The following ABCA13 variants were observed in gnomAD, a reference collection of about 807,000 sequenced individuals.
The protein encoded by ABCA13 is ATP-binding cassette sub-family A member 13.
Under a neutral mutation model 478.7 loss-of-function variants are expected in ABCA13, and 476 were observed. The ratio of observed to expected loss-of-function variants is 0.99; its 90% CI spans 0.92 to 1.07. The LOEUF (loss-of-function observed/expected upper bound fraction) is 1.07. Ranked by LOEUF, ABCA13 falls within the 50% of genes least tolerant of loss-of-function variation. The pLI, the probability that ABCA13 is intolerant of heterozygous loss-of-function variation, is 0.00. For synonymous variants in ABCA13, 2,252 were observed against 2,158.9 expected (o/e 1.04, Z -1.20); for missense variants, 6,060 against 5,910.6 (o/e 1.03, Z -0.83).
In ABCA13 at chr7:48,279,773, A is replaced by G; in HGVS notation, c.8579A>G (p.Asn2860Ser). 6.2e-7 allele frequency: 1 copy of G among 1,608,608 alleles called. No individual in the cohort carries two copies. Among genetic ancestry groups the G allele is most frequent in the Non-Finnish European group, 8.5e-7 (1 of 1,178,588 alleles). Residue 2860 changes from asparagine to serine, a missense_variant, in exon 18 of 62, where the codon AAT (asparagine) becomes AGT (serine). Around this residue, in one of 3 missense-constraint regions of ABCA13, gnomAD observed 4,423 missense variants for 4,309.1 expected, o/e 1.03. Coordinates refer to ENST00000435803, the MANE Select transcript of ABCA13 (RefSeq NM_152701.5). Reference protein sequence around the residue: ...EIFIKATTGKNVTSEKEERTK... With the variant: ...EIFIKATTGKSVTSEKEERTK... ...TTCATTAAAGCAACCACCGGAAAGA[A>G]TGTCACATCAGAAAAAGAAGAGAGA...
chr7:48,593,107 T>G (rs1789919054), intron 57 of ABCA13, among the ~76,000 whole-genome samples: 1 of 152,068 alleles, frequency 6.6e-6, no homozygotes. Flanking sequence ...CTTGACATTT[T>G]GTTAATTGTT....
intron 48 of ABCA13, among the ~76,000 whole-genome samples, chr7:48,494,698 A>T (rs1434428277): frequency 6.6e-6 from 1 of 152,188 alleles, no homozygotes; most frequent in African/African-American, 2.4e-5. Context: ...ATCTGCATAA[A>T]TAGAGGAAAA....
intron 23 of ABCA13, among the ~76,000 whole-genome samples, chr7:48,300,601 T>C (rs151078761): frequency 1.7e-3 from 264 of 152,322 alleles, no homozygotes; most frequent in Admixed American, 2.9e-3. Flanking sequence ...CTGGGGCATT[T>C]CTGTCAAAAG....
chr7:48,454,903 T>C, intron 42 of ABCA13, 134 bp from the exon 43 acceptor site: 2 of 1,239,980 alleles, frequency 1.6e-6, no homozygotes, highest in Non-Finnish European at 1.1e-6. Flanking sequence ...CTCAAGGGAG[T>C]CCTCATGGGG....
chr7:48,297,087 T>G (rs1799485387), intron 21 of ABCA13, 145 bp from the exon 22 acceptor site: 2 of 691,522 alleles, frequency 2.9e-6, no homozygotes, highest in South Asian at 3.5e-5. Flanking sequence ...GGGAGACATG[T>G]GGGTCTAATT....
intron 42 of ABCA13, among the ~76,000 whole-genome samples, chr7:48,445,465 T>C (rs1192526903): frequency 6.6e-6 from 1 of 152,202 alleles, no homozygotes; most frequent in East Asian, 1.9e-4. Flanking sequence ...GTTGGACTCC[T>C]TTCAGTTTCT....
chr7:48,198,447 T>C, intron 3 of ABCA13, 87 bp downstream of exon 3: 1 of 1,483,834 alleles, frequency 6.7e-7, no homozygotes, highest in Non-Finnish European at 9.1e-7. Context: ...CCTCAATAAT[T>C]TGGGATAGGT....
At chr7:48,332,829 G>T (rs1805615195) in intron 27 of ABCA13, among the ~76,000 whole-genome samples, 1 of 152,152 alleles carries the variant, frequency 6.6e-6, no homozygotes, top group African/African-American at 2.4e-5. Context: ...GTGTTCCCTA[G>T]AGGTAACATG....
intron 38 of ABCA13, among the ~76,000 whole-genome samples, chr7:48,395,545 C>G (rs979379938): frequency 6.6e-6 from 1 of 152,154 alleles, no homozygotes; most frequent in African/African-American, 2.4e-5. Context: ...CTTCTGCTAC[C>G]TTTCCTTCTC....
intron 31 of ABCA13, among the ~76,000 whole-genome samples, chr7:48,365,789 A>G (rs1227305374): frequency 6.6e-6 from 1 of 152,110 alleles, no homozygotes; most frequent in Non-Finnish European, 1.5e-5. Context: ...TCTGTTTTTA[A>G]CCAAAGAAGT....
intron 48 of ABCA13, among the ~76,000 whole-genome samples, chr7:48,499,859 T>C (rs1830593576): frequency 6.6e-6 from 1 of 152,190 alleles, no homozygotes; most frequent in Non-Finnish European, 1.5e-5. Flanking sequence ...TCTATCACAA[T>C]ACAATTGTTA....
rs1215137536 is a variant in ABCA13 at position 48,425,757 on chromosome 7, T to TTTATTTATTTATTTA, written c.12460-2007_12460-2006insATTTATTTATTTATT. Among the ~76,000 whole-genome samples the TTTATTTATTTATTTA allele has an allele frequency of 1.0e-2, 1,125 of 112,674 alleles. 13 individuals are homozygous for TTTATTTATTTATTTA. Among genetic ancestry groups the TTTATTTATTTATTTA allele is most frequent in the Admixed American group, 0.012 (117 of 9,810 alleles). The allele number at this position is 112,674 out of a possible 152,430, so 73.9% of individuals were successfully genotyped here. On this transcript the variant is annotated intron_variant, in intron 41 of 61. Transcript: ENST00000435803. ...TATTTATTTATTTATTTATTTATTT[T>TTTATTTATTTATTTA]TTCGAGATGGAGTCTCGCTGTCGCC...
intron 27 of ABCA13, among the ~76,000 whole-genome samples, chr7:48,325,817 G>A (rs1295627785): frequency 2.6e-5 from 4 of 152,206 alleles, no homozygotes; most frequent in Admixed American, 2.6e-4. Flanking sequence ...GGAAGAAACA[G>A]AACTACAAGT....
At chr7:48,456,683 A>G (rs1825711283) in intron 43 of ABCA13, among the ~76,000 whole-genome samples, 1 of 152,136 alleles carries the variant, frequency 6.6e-6, no homozygotes, top group African/African-American at 2.4e-5. Context: ...AATCAGTACA[A>G]CCACTTTACT....
chr7:48,640,016 G>A (rs558726657), intron 59 of ABCA13, among the ~76,000 whole-genome samples: 5 of 152,106 alleles, frequency 3.3e-5, no homozygotes, highest in Admixed American at 6.5e-5. Context: ...TTTCTTGTCC[G>A]GATAACATTC....
intron 1 of ABCA13, among the ~76,000 whole-genome samples, chr7:48,177,556 G>A (rs1018058737): frequency 8.5e-5 from 13 of 152,208 alleles, no homozygotes; most frequent in African/African-American, 3.1e-4. Flanking sequence ...GGCAGTGAGA[G>A]GCGAGAGGGT....
chr7:48,314,493 C>A lies in ABCA13; in HGVS notation c.9859+84C>A, dbSNP rs78599145. On this transcript the variant is annotated intron_variant, in intron 26 of 61. Transcript: ENST00000435803. Reference sequence around the variant, plus strand: ...CCTTAAATTATAGTAAGTATTCTGTCTGTGTATAAGGTTGCTATATACTGG... The same window carrying A: ...CCTTAAATTATAGTAAGTATTCTGTATGTGTATAAGGTTGCTATATACTGG... The A allele has an allele frequency of 2.4e-3, 3,085 of 1,271,728 alleles. 55 individuals are homozygous for A. In the African/African-American group the frequency reaches 0.042, roughly 17 times the overall value. 78.8% of individuals were successfully genotyped at this position (1,271,728 alleles called of 1,614,324 possible). A position where few individuals can be genotyped will look rare whatever the true frequency, so the allele number is the denominator to read the frequency against.
intron 45 of ABCA13, among the ~76,000 whole-genome samples, chr7:48,479,394 C>T (rs749582968): frequency 8.6e-5 from 13 of 152,040 alleles, no homozygotes; most frequent in East Asian, 1.9e-4. Flanking sequence ...TGTGCTACCA[C>T]GCCCTGCTAA....
chr7:48,431,988 T>C (rs1364780304), intron 42 of ABCA13, among the ~76,000 whole-genome samples: 2 of 152,224 alleles, frequency 1.3e-5, no homozygotes, highest in Non-Finnish European at 2.9e-5. Flanking sequence ...AGTAGACCTG[T>C]GAGACACACT....
Sources: gnomAD v4.1 joint callset for allele counts (sites outside exome capture counted in the v4.1 genomes callset) on GRCh38, gnomAD v4.1.1 for gene constraint, gnomAD v4.1.1 regional missense constraint, MANE v1.5 for transcripts, NCBI Gene and HGNC (gene_info 2026-07-23, HGNC 2026-07-21) for gene names.